The following IP6K1 variants were observed in gnomAD, a reference collection of about 807,000 sequenced individuals.
The protein encoded by IP6K1 is inositol hexakisphosphate kinase 1.
IP6K1 carries 13 observed loss-of-function variants against 38.3 expected under a neutral mutation model. The observed-to-expected ratio is 0.34, with a 90% CI of 0.22 to 0.54. IP6K1 has a LOEUF of 0.54. Ranked by LOEUF, IP6K1 falls within the 20% of genes least tolerant of loss-of-function variation. The probability of loss-of-function intolerance (pLI) is 0.92; values close to 1 mark genes in which losing one functional copy is unlikely to be tolerated. For missense variants in IP6K1, 397 were observed against 599.8 expected (o/e 0.66, Z 3.53); for synonymous variants, 212 against 229.9 (o/e 0.92, Z 0.70).
chr3:49,773,574 G>A (rs1188219289), intron 1 of IP6K1, among the ~76,000 whole-genome samples: 2 of 152,108 alleles, frequency 1.3e-5, no homozygotes, highest in Non-Finnish European at 2.9e-5. Flanking sequence ...AGCCGAGATC[G>A]CACCACTGCA....
intron 2 of IP6K1, among the ~76,000 whole-genome samples, chr3:49,743,739 C>T (rs2080695143): frequency 6.6e-6 from 1 of 151,536 alleles, no homozygotes; most frequent in Non-Finnish European, 1.5e-5. Flanking sequence ...TCTGCCTCAG[C>T]CTCCCAAGTA....
chr3:49,728,373 T>TAG, intron 4 of IP6K1, 95 bp from the exon 5 acceptor site: 2 of 1,155,154 alleles, frequency 1.7e-6, no homozygotes, highest in Non-Finnish European at 2.5e-6. Context: ...GGCTTTTACC[T>TAG]AATGCAGTAT....
chr3:49,731,767 A>G (rs1371224743), intron 4 of IP6K1, among the ~76,000 whole-genome samples: 2 of 152,046 alleles, frequency 1.3e-5, no homozygotes, highest in Non-Finnish European at 2.9e-5. Context: ...GCACGCCTGT[A>G]ATCCCAGCTA....
chr3:49,765,478 TAAAAAAA>T lies in IP6K1; in HGVS notation c.-128-17317_-128-17311del, dbSNP rs34207764. On this transcript the variant is annotated intron_variant, in intron 1 of 5. Transcript: ENST00000321599. ...AACATGGTCAAACTCTGTTTCTACT[TAAAAAAA>T]AAAAAAAAAAAAAAATTAGCAGGGC... Among the ~76,000 whole-genome samples the T allele has an allele frequency of 3.8e-3, 410 of 108,454 alleles. 11 individuals carry two copies. In the South Asian group the frequency reaches 0.085, roughly 23 times the overall value. 71.2% of individuals were successfully genotyped at this position (108,454 alleles called of 152,430 possible).
chr3:49,751,773 G>A (rs1328618402), intron 1 of IP6K1, among the ~76,000 whole-genome samples: 5 of 152,130 alleles, frequency 3.3e-5, no homozygotes, highest in Non-Finnish European at 2.9e-5. Context: ...TAATTATTGC[G>A]TAAAATGCAA....
chr3:49,734,207 G>T (rs1018720506), intron 3 of IP6K1, among the ~76,000 whole-genome samples: 5 of 151,914 alleles, frequency 3.3e-5, no homozygotes, highest in Non-Finnish European at 7.4e-5. Context: ...AACTTCAACT[G>T]AAAATACTGG....
At position 49,727,772 on chromosome 3, in the gene IP6K1, A is replaced by G. The variant is rs554257626; in HGVS notation, c.793-117T>C. ...CCAACCTGAGCTTTTCTGCTCACCT[A>G]TCTAAGTGGAACCAGGCAGGCCACA... is the stretch of plus-strand genomic sequence containing the variant. On this transcript the variant is annotated intron_variant, in intron 5 of 5. Transcript: ENST00000321599. This position sits in a 1 kb window ranked among gnomAD's most constrained non-coding sequence, Gnocchi z 5.9. 25 of 1,051,954 alleles carry G rather than the reference A, an allele frequency of 2.4e-5. No homozygotes were observed. In the African/African-American group the frequency reaches 3.4e-4, roughly 14 times the overall value. The allele number at this position is 1,051,954 out of a possible 1,614,324, so 65.2% of individuals were successfully genotyped here.
intron 1 of IP6K1, among the ~76,000 whole-genome samples, chr3:49,759,160 G>A (rs1374092764): frequency 1.3e-5 from 2 of 152,098 alleles, no homozygotes; most frequent in Non-Finnish European, 2.9e-5. Flanking sequence ...TTAAATCACT[G>A]AATTCTGAGA....
Position 49,774,923 on chromosome 3 carries a change from T to C in IP6K1, c.-129+11431A>G, listed in dbSNP as rs1187986183. Reference sequence around the variant, plus strand: ...AACTCTCAGCCAGTAGAAGATGATCTAGTCATATTTTCATTAACCAATTAA... The same window carrying C: ...AACTCTCAGCCAGTAGAAGATGATCCAGTCATATTTTCATTAACCAATTAA... On this transcript the variant is annotated intron_variant, in intron 1 of 5. Transcript: ENST00000321599. Among the ~76,000 whole-genome samples, 3 of 152,272 alleles carry C rather than the reference T, an allele frequency of 2.0e-5. No homozygotes were observed. The East Asian group carries it at 5.8e-4, about 29-fold the overall frequency.
chr3:49,768,991 TTAC>T (rs1257619270), intron 1 of IP6K1, among the ~76,000 whole-genome samples: 2 of 152,112 alleles, frequency 1.3e-5, no homozygotes, highest in Non-Finnish European at 2.9e-5. Context: ...TCATGTATAT[TTAC>T]TACAATTTAA....
intron 2 of IP6K1, among the ~76,000 whole-genome samples, chr3:49,743,820 A>G (rs928942951): frequency 1.3e-5 from 2 of 151,434 alleles, no homozygotes; most frequent in African/African-American, 4.8e-5. Context: ...GGGTTTCACC[A>G]TGTTGGCGAG....
chr3:49,745,727 T>A (rs976306659), intron 2 of IP6K1, among the ~76,000 whole-genome samples: 1 of 135,974 alleles, frequency 7.4e-6, no homozygotes, highest in African/African-American at 2.6e-5. Flanking sequence ...TGGTGGCACA[T>A]GCCTGTAATC....
chr3:49,741,254 G>A (rs568390329), intron 2 of IP6K1, among the ~76,000 whole-genome samples: 12 of 152,178 alleles, frequency 7.9e-5, no homozygotes, highest in African/African-American at 2.9e-4. Flanking sequence ...TTCCACAGTG[G>A]CTACACCACT....
intron 1 of IP6K1, among the ~76,000 whole-genome samples, chr3:49,750,197 A>C (rs555377418): frequency 6.6e-6 from 1 of 152,200 alleles, no homozygotes; most frequent in East Asian, 1.9e-4. Context: ...GCAGCTGTGG[A>C]TCCTGTTCAG....
intron 4 of IP6K1, chr3:49,728,528 G>T: frequency 2.2e-6 from 1 of 449,224 alleles, no homozygotes; most frequent in South Asian, 3.0e-5. Context: ...TTACTTTGTT[G>T]TATAACCATC....
intron 1 of IP6K1, chr3:49,785,681 G>A (rs1433193709): frequency 1.3e-5 from 2 of 152,120 alleles, no homozygotes; most frequent in Non-Finnish European, 1.5e-5. Flanking sequence ...TTCTCCTAAA[G>A]CAAAAAGAGG....
At position 49,727,272 on chromosome 3, in the gene IP6K1, C is replaced by T; in HGVS notation, c.1176G>A (p.Lys392=). 1 of 1,614,164 alleles carries T rather than the reference C, an allele frequency of 6.2e-7. No homozygotes were observed. The highest frequency in any genetic ancestry group is 8.5e-7 in the Non-Finnish European group (1 of 1,180,036). The change falls in exon 6 of 6, where the codon AAG becomes AAA. Residue 392 remains lysine (K), a synonymous_variant. Transcript: ENST00000321599. This position sits in a 1 kb window ranked among gnomAD's most constrained non-coding sequence, Gnocchi z 5.9. ...CAAAGTCAATCATGCGGACATCCAC[C>T]TTGGGCTGAGAGGAGGGACCCGCCT... ...SPEAGPSSQP[K]VDVRMIDFAH...
At chr3:49,737,249 AGTGG>A (rs2108227936) in intron 3 of IP6K1, among the ~76,000 whole-genome samples, 1 of 152,240 alleles carries the variant, frequency 6.6e-6, no homozygotes, top group South Asian at 2.1e-4. Context: ...TTGTTTCCCA[AGTGG>A]CTGCACCACT....
chr3:49,767,473 G>A (rs2080921464), intron 1 of IP6K1, among the ~76,000 whole-genome samples: 1 of 151,918 alleles, frequency 6.6e-6, no homozygotes, highest in Admixed American at 6.6e-5. Flanking sequence ...CCAGGTACTC[G>A]GGGGGCTAAA....
Sources: allele counts gnomAD v4.1 joint callset (sites outside exome capture counted in the v4.1 genomes callset), GRCh38; gene constraint gnomAD v4.1.1; non-coding constraint Gnocchi (gnomAD v3.1); transcripts MANE v1.5; gene names NCBI Gene and HGNC (gene_info 2026-07-23, HGNC 2026-07-21).